The following HPS3 variants were observed in gnomAD, a reference collection of about 807,000 sequenced individuals.
HPS3 encodes the protein BLOC-2 complex member HPS3.
HPS3 carries 79 observed loss-of-function variants against 110.9 expected under a neutral mutation model. The observed-to-expected ratio is 0.71, with a 90% CI of 0.59 to 0.86. The LOEUF (loss-of-function observed/expected upper bound fraction) is 0.86. Ranked by LOEUF, HPS3 falls within the 40% of genes least tolerant of loss-of-function variation. HPS3 has a pLI of 0.00. For missense variants in HPS3, 1,197 were observed against 1,206.2 expected (o/e 0.99, Z 0.11); for synonymous variants, 428 against 451.0 (o/e 0.95, Z 0.65).
At position 149,173,413 on chromosome 3, in the gene HPS3, A is replaced by G. The variant is rs1249268531; in HGVS notation, c.*1191A>G. On this transcript the variant is annotated 3_prime_UTR_variant, in exon 17 of 17. Transcript: ENST00000296051. Reference sequence around the variant, plus strand: ...GGAGCACCCAGGAGAATATCTGGTCATAGATCTTTTTTTAAATGCAGTTTT... The same window carrying G: ...GGAGCACCCAGGAGAATATCTGGTCGTAGATCTTTTTTTAAATGCAGTTTT... 8.8e-6 allele frequency: 2 copies of G among 226,554 alleles called. No homozygotes were observed. The highest frequency in any genetic ancestry group is 2.3e-5 in the African/African-American group (1 of 43,592). The allele number at this position is 226,554 out of a possible 1,614,324, so 14.0% of individuals were successfully genotyped here. A position where few individuals can be genotyped will look rare whatever the true frequency, so the allele number is the denominator to read the frequency against.
chr3:149,131,790 G>A (rs773005605), intron 1 of HPS3, among the ~76,000 whole-genome samples: 5 of 152,222 alleles, frequency 3.3e-5, no homozygotes, highest in Non-Finnish European at 7.3e-5. Context: ...TGCACGGTAG[G>A]CCTCTTGGAC....
chr3:149,130,097 G>A, intron 1 of HPS3, 157 bp downstream of exon 1: 1 of 695,360 alleles, frequency 1.4e-6, no homozygotes. Context: ...CTGATTGCTT[G>A]AAGTCGCATT....
Position 149,158,753 on chromosome 3 carries a change from G to C in HPS3, c.1779G>C (p.Trp593Cys). 1.9e-6 allele frequency: 3 copies of C among 1,612,596 alleles called. No homozygotes were observed. The highest frequency in any genetic ancestry group is 2.5e-6 in the Non-Finnish European group (3 of 1,178,672). ...CTGAAGTTCTGGCCCGCACGGACTG[G>C]ACAGTAGAGGATGGATTACAGAAAT... The part of the protein sequence containing the change: ...SMAEVLARTD[W>C]TVEDGLQKYE... The change falls in exon 10 of 17, where the codon TGG becomes TGC. Residue 593 changes from tryptophan (W) to cysteine (C), a missense_variant. Trp to Cys is a radical substitution (Grantham distance 215). Coordinates refer to ENST00000296051, the MANE Select transcript of HPS3 (RefSeq NM_032383.5).
intron 7 of HPS3, 101 bp downstream of exon 7, chr3:149,153,749 T>C: frequency 1.6e-6 from 2 of 1,214,174 alleles, no homozygotes; most frequent in South Asian, 2.5e-5. Flanking sequence ...CTTGGAATGA[T>C]CAAATGGCTT....
chr3:149,161,510 T>C (rs928445406), intron 11 of HPS3, among the ~76,000 whole-genome samples: 5 of 82,214 alleles, frequency 6.1e-5, no homozygotes, highest in Admixed American at 1.1e-4. Flanking sequence ...CCCACACCCT[T>C]TTTTTTTTTT....
chr3:149,161,747 T>A (rs1415312250), intron 11 of HPS3, among the ~76,000 whole-genome samples: 2 of 152,086 alleles, frequency 1.3e-5, no homozygotes, highest in South Asian at 2.1e-4. Context: ...TGACCTCAAG[T>A]GATCTGCCCT....
At chr3:149,145,274 A>G (rs771265306) in intron 4 of HPS3, 80 bp from the exon 5 acceptor site, 1 of 1,103,386 alleles carries the variant, frequency 9.1e-7, no homozygotes, top group Non-Finnish European at 1.4e-6. Context: ...TACAGTTTGC[A>G]TAGCAAAGTC....
At chr3:149,152,240 C>T (rs182878886) in intron 6 of HPS3, among the ~76,000 whole-genome samples, 1 of 152,184 alleles carries the variant, frequency 6.6e-6, no homozygotes, top group Admixed American at 6.5e-5. Context: ...TCTTTGTCCT[C>T]TTCTTTCCCC....
intron 6 of HPS3, 138 bp from the exon 7 acceptor site, chr3:149,153,348 TTTTGTTTG>T (rs745992377): frequency 1.4e-5 from 10 of 715,584 alleles, no homozygotes. Flanking sequence ...TGGGTTGGTC[TTTTGTTTG>T]TTTGTTTGTT....
intron 1 of HPS3, among the ~76,000 whole-genome samples, chr3:149,135,156 T>TA (rs566703524): frequency 2.5e-4 from 38 of 152,088 alleles, no homozygotes; most frequent in Admixed American, 1.2e-3. Context: ...ATTTTCAGGT[T>TA]AAAAAAAATC....
intron 5 of HPS3, among the ~76,000 whole-genome samples, chr3:149,149,337 C>G (rs1177241981): frequency 5.9e-5 from 9 of 152,074 alleles, no homozygotes. Context: ...ATCTGTCCTT[C>G]CGGTCCCACT....
In HPS3 at chr3:149,158,704, A is replaced by G. The variant is rs764016043; in HGVS notation, c.1730A>G (p.Tyr577Cys). ...SQHSHLTLPYYKMSGLSMAEV... is the reference protein window; with the variant it reads ...SQHSHLTLPYCKMSGLSMAEV... ...CATTCTCATCTCACCTTGCCATACTATAAGATGTCTGGTTTGTCTATGGCT... is the reference window on the plus strand; with the variant it reads ...CATTCTCATCTCACCTTGCCATACTGTAAGATGTCTGGTTTGTCTATGGCT... The change falls in exon 10 of 17, where the codon TAT becomes TGT. Residue 577 changes from tyrosine (Y) to cysteine (C), a missense_variant. By Grantham distance (194) the Tyr-to-Cys change is radical. Coordinates refer to ENST00000296051, the MANE Select transcript of HPS3 (RefSeq NM_032383.5). 2.5e-6 allele frequency: 4 copies of G among 1,613,646 alleles called. No homozygotes were observed. Among genetic ancestry groups the G allele is most frequent in the Non-Finnish European group, 1.7e-6 (2 of 1,179,770 alleles).
At position 149,140,433 on chromosome 3, in the gene HPS3, A is replaced by T; in HGVS notation, c.647A>T (p.Lys216Ile). The stretch of plus-strand genomic sequence containing the variant: ...ATCGTAAAACTGGAGTCAGGCCCTA[A>T]AAATGGAGAGAGAGTTCACCACCAT... The part of the protein sequence containing the change: ...VLIVKLESGP[K>I]NGERVHHHPH... Residue 216 changes from lysine to isoleucine, a missense_variant, in exon 2 of 17, where the codon AAA (lysine) becomes ATA (isoleucine). By Grantham distance (102) the Lys-to-Ile change is moderately radical. Transcript: ENST00000296051. 1 of 1,612,706 alleles carries T rather than the reference A, an allele frequency of 6.2e-7. No homozygotes were observed. Among genetic ancestry groups the T allele is most frequent in the Non-Finnish European group, 8.5e-7 (1 of 1,179,480 alleles).
rs1358848225 is a variant in HPS3, at chr3:149,157,126, GTAT to G, written c.1510-219_1510-217del. On this transcript the variant is annotated intron_variant, in intron 8 of 16. Transcript: ENST00000296051. ...GTAATGATTAGAGCTGTTTAACAAG[GTAT>G]TATTTATAATCATGTATGTATTAAA... Among the ~76,000 whole-genome samples the G allele has an allele frequency of 2.0e-5, 3 of 152,026 alleles. 1 individual carries two copies. The highest frequency in any genetic ancestry group is 4.4e-5 in the Non-Finnish European group (3 of 68,006).
chr3:149,151,348 A>T (rs201219642), intron 6 of HPS3, among the ~76,000 whole-genome samples: 1 of 151,868 alleles, frequency 6.6e-6, no homozygotes, highest in East Asian at 1.9e-4. Flanking sequence ...GTATTTTACT[A>T]AATGGAAATA....
intron 4 of HPS3, among the ~76,000 whole-genome samples, chr3:149,145,002 A>C (rs1299544575): frequency 6.6e-6 from 1 of 152,154 alleles, no homozygotes; most frequent in Non-Finnish European, 1.5e-5. Context: ...ACATATTTCT[A>C]TCAACATTGC....
At chr3:149,145,181 TTA>T (rs1024025509) in intron 4 of HPS3, among the ~76,000 whole-genome samples, 171 bp from the exon 5 acceptor site, 3 of 152,198 alleles carry the variant, frequency 2.0e-5, no homozygotes, top group African/African-American at 7.2e-5. Context: ...GATATTCTAA[TTA>T]TATTACTCCT....
intron 2 of HPS3, 106 bp from the exon 3 acceptor site, chr3:149,140,911 T>G: frequency 9.7e-7 from 1 of 1,032,756 alleles, no homozygotes; most frequent in Non-Finnish European, 1.5e-6. Flanking sequence ...CTTGTAAATG[T>G]GTGCATATTA....
At chr3:149,169,872 A>G (rs553573243) in intron 16 of HPS3, among the ~76,000 whole-genome samples, 7 of 152,236 alleles carry the variant, frequency 4.6e-5, no homozygotes, top group Non-Finnish European at 8.8e-5. Flanking sequence ...AGAAATTTTC[A>G]ACCTTTGACA....
Sources: allele counts gnomAD v4.1 joint callset (sites outside exome capture counted in the v4.1 genomes callset), GRCh38; gene constraint gnomAD v4.1.1; transcripts MANE v1.5; gene names NCBI Gene and HGNC (gene_info 2026-07-23, HGNC 2026-07-21).